Variants in NCOA7 observed in about 807,000 individuals in gnomAD.
NCOA7 encodes the protein 140 kDa estrogen receptor-associated protein.
In NCOA7, 45 loss-of-function variants were observed where a neutral mutation model predicts 104.3. The observed-to-expected ratio is 0.43, with a 90% CI of 0.34 to 0.55. The LOEUF (loss-of-function observed/expected upper bound fraction) is 0.55. Among genes scored for constraint, NCOA7 ranks in the 20% least tolerant of loss-of-function variants. NCOA7 has a pLI of 0.02. For missense variants in NCOA7, 1,041 were observed against 1,119.7 expected (o/e 0.93, Z 1.00); for synonymous variants, 398 against 402.3 (o/e 0.99, Z 0.13).
intron 5 of NCOA7, among the ~76,000 whole-genome samples, chr6:125,879,632 A>G (rs898360210): frequency 1.3e-5 from 2 of 152,190 alleles, no homozygotes; most frequent in African/African-American, 2.4e-5. Flanking sequence ...GTGAATAACA[A>G]TATTGATCAG....
chr6:125,833,867 A>G (rs1457725893), intron 2 of NCOA7, among the ~76,000 whole-genome samples: 1 of 152,192 alleles, frequency 6.6e-6, no homozygotes, highest in African/African-American at 2.4e-5. Flanking sequence ...CTGCAGAGAA[A>G]TTATAAAGTT....
chr6:125,795,153 C>T (rs1413254705), intron 1 of NCOA7, among the ~76,000 whole-genome samples: 5 of 152,092 alleles, frequency 3.3e-5, no homozygotes, highest in Non-Finnish European at 5.9e-5. Flanking sequence ...ATATTTATCA[C>T]CACAGTAAGC....
At chr6:125,824,057 G>C (rs1054640823) in intron 2 of NCOA7, among the ~76,000 whole-genome samples, 2 of 151,804 alleles carry the variant, frequency 1.3e-5, no homozygotes, top group Non-Finnish European at 2.9e-5. Context: ...TATTGGGAGT[G>C]AGGGTTTTTT....
At chr6:125,792,232 G>A (rs917119192) in intron 1 of NCOA7, among the ~76,000 whole-genome samples, 2 of 152,174 alleles carry the variant, frequency 1.3e-5, no homozygotes, top group African/African-American at 4.8e-5. Flanking sequence ...TTCAAAAATT[G>A]CCTCTTTGTA....
intron 10 of NCOA7, among the ~76,000 whole-genome samples, chr6:125,894,728 C>T (rs1232907531): frequency 4.0e-5 from 6 of 151,620 alleles, no homozygotes; most frequent in Non-Finnish European, 4.4e-5. Context: ...TAACCGATTT[C>T]CCATTTGCAC....
chr6:125,797,445 G>A (rs1025915179), intron 1 of NCOA7, among the ~76,000 whole-genome samples: 3 of 152,202 alleles, frequency 2.0e-5, no homozygotes, highest in Admixed American at 6.5e-5. Flanking sequence ...TGGAATTTCT[G>A]ACTAGTGGGT....
intron 3 of NCOA7, among the ~76,000 whole-genome samples, chr6:125,859,165 A>G (rs183777487): frequency 6.6e-6 from 1 of 152,158 alleles, no homozygotes; most frequent in East Asian, 1.9e-4. Flanking sequence ...GTCTGAGACT[A>G]GGGCTTAGGG....
intron 2 of NCOA7, among the ~76,000 whole-genome samples, chr6:125,851,276 C>G (rs577523771): frequency 6.6e-6 from 1 of 152,162 alleles, no homozygotes; most frequent in East Asian, 1.9e-4. Flanking sequence ...CCACCCTCCT[C>G]TGGTCCATTA....
chr6:125,793,457 C>A (rs1775032266), intron 1 of NCOA7, among the ~76,000 whole-genome samples: 1 of 152,116 alleles, frequency 6.6e-6, no homozygotes, highest in Admixed American at 6.5e-5. Flanking sequence ...AAGCTCTAAT[C>A]TCAGATTTGA....
intron 1 of NCOA7, among the ~76,000 whole-genome samples, chr6:125,812,243 A>G (rs600709): frequency 0.69 from 104,983 of 151,938 alleles, 36,734 homozygotes; most frequent in East Asian, 0.91. Context: ...TGGCATTCCT[A>G]CTTTCTGGAA....
In NCOA7 at chr6:125,829,414, C is replaced by A. The variant is rs117296587; in HGVS notation, c.50+14010C>A. The stretch of plus-strand genomic sequence containing the variant: ...ATATTAGTGTATTAGTATAGTTATC[C>A]TGTTTTAAGTGAGGACCAATCATTC... On this transcript the variant is annotated intron_variant, in intron 2 of 15. Coordinates refer to ENST00000392477, the MANE Select transcript of NCOA7 (RefSeq NM_181782.5). 5.9e-3 allele frequency among the ~76,000 whole-genome samples: 891 copies of A among 152,156 alleles called. 2 individuals carry two copies. Among genetic ancestry groups the A allele is most frequent in the Non-Finnish European group, 7.7e-3 (527 of 68,008 alleles).
At chr6:125,842,649 C>G (rs988675908) in intron 2 of NCOA7, among the ~76,000 whole-genome samples, 2 of 152,216 alleles carry the variant, frequency 1.3e-5, no homozygotes, top group East Asian at 3.9e-4. Context: ...GGATTATAAA[C>G]AATGATGAAC....
intron 2 of NCOA7, among the ~76,000 whole-genome samples, chr6:125,820,192 G>T (rs1449666859): frequency 2.0e-5 from 3 of 152,156 alleles, no homozygotes; most frequent in Non-Finnish European, 4.4e-5. Context: ...CAGTGACAAA[G>T]GATGCAAAGT....
chr6:125,789,943 T>C (rs1359412820), upstream of NCOA7, among the ~76,000 whole-genome samples: 7 of 152,234 alleles, frequency 4.6e-5, no homozygotes, highest in African/African-American at 1.7e-4. Flanking sequence ...CCTAGTCATG[T>C]TGCAGTGCTG....
At chr6:125,922,945 G>A (rs1318175554) in intron 13 of NCOA7, 111 bp downstream of exon 13, 2 of 1,027,106 alleles carry the variant, frequency 1.9e-6, no homozygotes, top group East Asian at 2.9e-5. Context: ...CAGTTAACAG[G>A]ATTTTGCCTT....
At chr6:125,902,766 ATTGT>A (rs1785625558) in intron 10 of NCOA7, among the ~76,000 whole-genome samples, 1 of 152,198 alleles carries the variant, frequency 6.6e-6, no homozygotes, top group Admixed American at 6.5e-5. Flanking sequence ...AGTAAAGCAT[ATTGT>A]TTAAGACCAT....
rs1295637124 is a variant in NCOA7 at position 125,929,481 on chromosome 6, T to C, written c.*710T>C. 1 of 152,008 alleles carries C rather than the reference T, an allele frequency of 6.6e-6. No homozygotes were observed. The highest frequency in any genetic ancestry group is 1.9e-4 in the East Asian group (1 of 5,192). The allele number at this position is 152,008 out of a possible 1,614,324, so 9.4% of individuals were successfully genotyped here. A position where few individuals can be genotyped will look rare whatever the true frequency, so the allele number is the denominator to read the frequency against. On this transcript the variant is annotated 3_prime_UTR_variant, in exon 16 of 16. Transcript: ENST00000392477. ...ATCTATATATCTGTATGTGGGTATA[T>C]AGAGATATATGTGTGTGTGTATGTA...
At chr6:125,829,803 C>A (rs1291190162) in intron 2 of NCOA7, among the ~76,000 whole-genome samples, 1 of 152,140 alleles carries the variant, frequency 6.6e-6, no homozygotes, top group Non-Finnish European at 1.5e-5. Context: ...GCCCTGGAAT[C>A]CTAGAAGAAG....
chr6:125,806,036 G>A (rs1145982), intron 1 of NCOA7, among the ~76,000 whole-genome samples: 8,414 of 152,128 alleles, frequency 0.055, 756 homozygotes, highest in African/African-American at 0.19. Context: ...AACCAGGCCT[G>A]TCTTACTTTA....
Sources: gnomAD v4.1 joint callset for allele counts (sites outside exome capture counted in the v4.1 genomes callset) on GRCh38, gnomAD v4.1.1 for gene constraint, MANE v1.5 for transcripts, NCBI Gene and HGNC (gene_info 2026-07-23, HGNC 2026-07-21) for gene names.